SLC27A6: variants seen among roughly 807,000 people sequenced by gnomAD.
The protein encoded by SLC27A6 is long-chain fatty acid transport protein 6.
A neutral mutation model predicts 63.9 loss-of-function variants in SLC27A6; 74 were observed. The ratio of observed to expected loss-of-function variants is 1.16; its 90% confidence interval spans 0.96 to 1.40. The LOEUF (loss-of-function observed/expected upper bound fraction) is 1.40. SLC27A6 is among the 40% of genes most tolerant of loss of function. The pLI, the probability that SLC27A6 is intolerant of heterozygous loss-of-function variation, is 0.00. For missense variants in SLC27A6, 794 were observed against 732.9 expected (o/e 1.08, Z -0.96); for synonymous variants, 287 against 260.8 (o/e 1.10, Z -0.97).
chr5:128,980,177 A>T (rs1750535056), intron 1 of SLC27A6, among the ~76,000 whole-genome samples: 1 of 152,096 alleles, frequency 6.6e-6, no homozygotes, highest in South Asian at 2.1e-4. Context: ...CCTCATCATC[A>T]TCATCATCAT....
intron 4 of SLC27A6, among the ~76,000 whole-genome samples, chr5:128,990,876 G>T (rs1250450758): frequency 6.6e-6 from 1 of 152,230 alleles, no homozygotes; most frequent in African/African-American, 2.4e-5. Flanking sequence ...CACCTTGCTG[G>T]ATCAGAAGCA....
chr5:129,014,507 C>A (rs1173471474), intron 4 of SLC27A6, among the ~76,000 whole-genome samples: 1 of 152,150 alleles, frequency 6.6e-6, no homozygotes, highest in Admixed American at 6.5e-5. Flanking sequence ...TATGCATGAC[C>A]TGGGTGCCTT....
At chr5:129,020,758 A>G (rs551830739) in intron 5 of SLC27A6, among the ~76,000 whole-genome samples, 194 of 152,190 alleles carry the variant, frequency 1.3e-3, no homozygotes, top group Non-Finnish European at 2.3e-3. Flanking sequence ...ACACAATTTC[A>G]GGAGTCCCAA....
rs764570464 is a variant in SLC27A6 at position 128,985,257 on chromosome 5, T to C, written c.606T>C (p.Asp202=). The C allele has an allele frequency of 6.2e-7, 1 of 1,614,096 alleles. No homozygotes were observed. Among genetic ancestry groups the C allele is most frequent in the Non-Finnish European group, 8.5e-7 (1 of 1,179,958 alleles). The stretch of plus-strand genomic sequence containing the variant: ...AAGAAAAACTGAGCACCTCACCTGA[T>C]GAGCCCGTGCCACGCAGCCACCATG... ...SLKEKLSTSP[D]EPVPRSHHVV... The change falls in exon 2 of 10, where the codon GAT becomes GAC. Residue 202 remains aspartate, a synonymous_variant. Transcript: ENST00000262462.
chr5:129,016,676 A>G (rs796980541), intron 5 of SLC27A6, among the ~76,000 whole-genome samples: 1 of 152,116 alleles, frequency 6.6e-6, no homozygotes, highest in African/African-American at 2.4e-5. Flanking sequence ...ATAGGCCCTG[A>G]TATATATTGA....
At chr5:129,029,538 T>C (rs1752350524) in intron 8 of SLC27A6, 39 bp from the exon 9 acceptor site, 1 of 1,395,388 alleles carries the variant, frequency 7.2e-7, no homozygotes, top group African/African-American at 1.5e-5. Context: ...AAAGTTTATT[T>C]GGTACTTAAA....
chr5:128,985,428 C>T, intron 2 of SLC27A6, 92 bp downstream of exon 2: 1 of 985,380 alleles, frequency 1.0e-6, no homozygotes, highest in Non-Finnish European at 1.6e-6. Flanking sequence ...TAGTGACCAA[C>T]CATCTGAGAA....
intron 1 of SLC27A6, among the ~76,000 whole-genome samples, chr5:128,971,967 A>C (rs1017253302): frequency 1.3e-5 from 2 of 152,142 alleles, no homozygotes; most frequent in African/African-American, 4.8e-5. Flanking sequence ...GGTGGTGACA[A>C]AATCTCTCAG....
At chr5:128,984,695 G>T (rs916040143) in intron 1 of SLC27A6, among the ~76,000 whole-genome samples, 2 of 152,148 alleles carry the variant, frequency 1.3e-5, no homozygotes, top group Non-Finnish European at 1.5e-5. Context: ...CAGAGCAGTC[G>T]GGGATTCTCC....
In SLC27A6 at chr5:129,029,589, G is replaced by A. The variant is rs750538089; in HGVS notation, c.1565G>A (p.Arg522Lys). 1.9e-6 allele frequency: 3 copies of A among 1,574,020 alleles called. No individual in the cohort carries two copies. The highest frequency in any genetic ancestry group is 2.3e-5 in the East Asian group (1 of 44,118). The change falls in exon 9 of 10, where the codon AGA (arginine) becomes AAA (lysine). Residue 522 changes from arginine (R) to lysine (K), a missense_variant. Physicochemically the swap from Arg to Lys is conservative, Grantham distance 26. Coordinates refer to ENST00000262462, the MANE Select transcript of SLC27A6 (RefSeq NM_001017372.3). ...YGVAISGYEG[R>K]AGMASIILKP... ...AACTTTTTTTCAGGTTATGAAGGAAGAGCAGGAATGGCTTCTATTATTTTA... is the reference window on the plus strand; with the variant it reads ...AACTTTTTTTCAGGTTATGAAGGAAAAGCAGGAATGGCTTCTATTATTTTA...
At chr5:128,998,326 T>A (rs1751227471) in intron 4 of SLC27A6, among the ~76,000 whole-genome samples, 1 of 150,668 alleles carries the variant, frequency 6.6e-6, no homozygotes, top group Non-Finnish European at 1.5e-5. Context: ...TACATGAATG[T>A]ATTTATAAAA....
intron 4 of SLC27A6, among the ~76,000 whole-genome samples, chr5:129,004,780 A>G (rs1233291815): frequency 1.3e-5 from 2 of 152,154 alleles, no homozygotes; most frequent in Non-Finnish European, 1.5e-5. Flanking sequence ...GTATCTCAAA[A>G]CTGTCCAGTA....
At chr5:128,975,832 G>A (rs145352024) in intron 1 of SLC27A6, among the ~76,000 whole-genome samples, 3,355 of 152,092 alleles carry the variant, frequency 0.022, 58 homozygotes, top group Non-Finnish European at 0.032. Flanking sequence ...TTCCCTTTCA[G>A]TAAATACATG....
In SLC27A6 at chr5:129,025,445, G is replaced by GAT. The variant is rs138346310; in HGVS notation, c.1256-1672_1256-1671dup. Among the ~76,000 whole-genome samples the GAT allele has an allele frequency of 3.1e-3, 465 of 148,360 alleles. 1 individual carries two copies. The highest frequency in any genetic ancestry group is 6.2e-3 in the South Asian group (29 of 4,682). On this transcript the variant is annotated intron_variant, in intron 6 of 9. Transcript: ENST00000262462. The stretch of plus-strand genomic sequence containing the variant: ...AAGGCTTTGGAGTCAGATGTACCTG[G>GAT]ATATATATATATATATACTCCGACT...
At chr5:128,966,911 C>G (rs1227943741) in intron 1 of SLC27A6, among the ~76,000 whole-genome samples, 1 of 152,170 alleles carries the variant, frequency 6.6e-6, no homozygotes, top group Non-Finnish European at 1.5e-5. Flanking sequence ...AGAACTTGGT[C>G]ACTTCTAAAT....
chr5:129,030,757 G>A (rs1752391902), intron 9 of SLC27A6, among the ~76,000 whole-genome samples: 1 of 151,930 alleles, frequency 6.6e-6, no homozygotes, highest in Non-Finnish European at 1.5e-5. Context: ...ATAACATTTT[G>A]CAGATCTGTT....
intron 1 of SLC27A6, among the ~76,000 whole-genome samples, chr5:128,970,556 A>G (rs1456627552): frequency 2.0e-5 from 3 of 152,076 alleles, no homozygotes; most frequent in African/African-American, 7.2e-5. Flanking sequence ...AGAGGTGTTT[A>G]TAGTATTCTC....
At chr5:129,018,113 A>G (rs1425012951) in intron 5 of SLC27A6, among the ~76,000 whole-genome samples, 7 of 152,050 alleles carry the variant, frequency 4.6e-5, no homozygotes, top group Non-Finnish European at 8.8e-5. Flanking sequence ...GCACTATCCT[A>G]TAGCATTGCT....
intron 4 of SLC27A6, among the ~76,000 whole-genome samples, chr5:129,002,263 GACA>G (rs1751362171): frequency 6.6e-6 from 1 of 152,160 alleles, no homozygotes; most frequent in African/African-American, 2.4e-5. Context: ...ATAAGCATCT[GACA>G]AATAAAACTG....
Sources: allele counts gnomAD v4.1 joint callset (sites outside exome capture counted in the v4.1 genomes callset), GRCh38; gene constraint gnomAD v4.1.1; transcripts MANE v1.5; gene names NCBI Gene and HGNC (gene_info 2026-07-23, HGNC 2026-07-21).